HECW2: variants seen among roughly 807,000 people sequenced by gnomAD.
The protein encoded by HECW2 is E3 ubiquitin-protein ligase HECW2.
In HECW2, 61 loss-of-function variants were observed where a neutral mutation model predicts 175.2. That is an observed-to-expected ratio of 0.35 (90% confidence interval 0.28 to 0.43). The LOEUF (loss-of-function observed/expected upper bound fraction) is 0.43, where lower values mean the gene tolerates loss of function less well. Among genes scored for constraint, HECW2 ranks in the 20% least tolerant of loss-of-function variants. The pLI is 1.00. For synonymous variants in HECW2, 671 were observed against 731.0 expected (o/e 0.92, Z 1.32); for missense variants, 1,524 against 2,000.5 (o/e 0.76, Z 4.54).
intron 2 of HECW2, among the ~76,000 whole-genome samples, chr2:196,406,661 G>A (rs568063203): frequency 2.3e-4 from 35 of 152,282 alleles, no homozygotes; most frequent in African/African-American, 8.4e-4. Context: ...TGAACCCACT[G>A]TGTCCCATTT....
At chr2:196,360,869 C>CAA (rs1000065162) in intron 2 of HECW2, among the ~76,000 whole-genome samples, 1 of 152,186 alleles carries the variant, frequency 6.6e-6, no homozygotes, top group Non-Finnish European at 1.5e-5. Flanking sequence ...AAATCTTCAA[C>CAA]ATACTTTTCA....
At chr2:196,459,558 G>A (rs562311950) in intron 1 of HECW2, among the ~76,000 whole-genome samples, 2 of 152,038 alleles carry the variant, frequency 1.3e-5, no homozygotes, top group South Asian at 2.1e-4. Flanking sequence ...GAGGTCAGAC[G>A]TGCCTCATGA....
At chr2:196,577,885 C>A (rs1207733097) in intron 1 of HECW2, among the ~76,000 whole-genome samples, 4 of 152,098 alleles carry the variant, frequency 2.6e-5, no homozygotes, top group African/African-American at 9.7e-5. Flanking sequence ...CAACAACGAG[C>A]AACAATACCA....
chr2:196,347,894 C>T (rs1049782844), intron 2 of HECW2, among the ~76,000 whole-genome samples: 8 of 152,208 alleles, frequency 5.3e-5, no homozygotes, highest in East Asian at 3.8e-4. Flanking sequence ...CAAATACTTC[C>T]GCCACTGAGT....
chr2:196,520,463 C>G (rs954827874), intron 1 of HECW2, among the ~76,000 whole-genome samples: 2 of 152,150 alleles, frequency 1.3e-5, no homozygotes, highest in African/African-American at 4.8e-5. Context: ...TAATGTGCAC[C>G]TTAAGAGCAC....
chr2:196,581,947 T>TC (rs1337248564), intron 1 of HECW2, among the ~76,000 whole-genome samples: 6 of 151,880 alleles, frequency 4.0e-5, no homozygotes, highest in African/African-American at 1.5e-4. Context: ...GAGCCTGTAG[T>TC]CCCAGCTACT....
intron 3 of HECW2, among the ~76,000 whole-genome samples, chr2:196,341,515 T>G (rs1400462562): frequency 6.6e-6 from 1 of 152,216 alleles, no homozygotes; most frequent in East Asian, 1.9e-4. Flanking sequence ...TACATAGACA[T>G]AAGTCGGAAA....
intron 2 of HECW2, among the ~76,000 whole-genome samples, chr2:196,403,494 G>A (rs547084514): frequency 6.6e-6 from 1 of 152,240 alleles, no homozygotes; most frequent in Non-Finnish European, 1.5e-5. Flanking sequence ...AATTTTTAAT[G>A]TACTTTTAAA....
At chr2:196,300,911 T>G (rs1354031404) in intron 13 of HECW2, among the ~76,000 whole-genome samples, 1 of 152,122 alleles carries the variant, frequency 6.6e-6, no homozygotes, top group Non-Finnish European at 1.5e-5. Context: ...GTGTGCAGGT[T>G]GTGCAGGTTT....
rs1688035826 is a variant in HECW2 at position 196,513,574 on chromosome 2, A to G, written c.-36+79934T>C. On this transcript the variant is annotated intron_variant, in intron 1 of 28. Coordinates refer to ENST00000644978, the MANE Select transcript of HECW2 (RefSeq NM_001348768.2). Reference sequence around the variant, plus strand: ...AGCATAATGCTCAACCCCTATTCTCAAAGGGCTTACATTCTTGTTGGTGAG... The same window carrying G: ...AGCATAATGCTCAACCCCTATTCTCGAAGGGCTTACATTCTTGTTGGTGAG... Among the ~76,000 whole-genome samples the G allele has an allele frequency of 2.0e-5, 3 of 152,196 alleles. No individual in the cohort carries two copies. The South Asian group carries it at 6.2e-4, about 32-fold the overall frequency.
chr2:196,409,214 A>G (rs1695044441), intron 2 of HECW2, among the ~76,000 whole-genome samples: 1 of 152,214 alleles, frequency 6.6e-6, no homozygotes, highest in South Asian at 2.1e-4. Flanking sequence ...ATGCAACACC[A>G]ACAGAGAACA....
intron 2 of HECW2, among the ~76,000 whole-genome samples, chr2:196,420,193 C>T (rs1207189254): frequency 6.6e-6 from 1 of 152,190 alleles, no homozygotes; most frequent in East Asian, 1.9e-4. Context: ...AGTTACAATA[C>T]TCTGGTTTCT....
chr2:196,290,674 A>G (rs1055807960), intron 14 of HECW2: 7 of 152,212 alleles, frequency 4.6e-5, no homozygotes, highest in African/African-American at 1.4e-4. Flanking sequence ...AGTATTTTTC[A>G]AAGTCCTTAC....
At chr2:196,402,200 CAAAAAAAA>C (rs55851966) in intron 2 of HECW2, among the ~76,000 whole-genome samples, 20 of 70,384 alleles carry the variant, frequency 2.8e-4, no homozygotes, top group Admixed American at 1.3e-3. Context: ...GACTCTGTCT[CAAAAAAAA>C]AAAAAAAAAA....
chr2:196,456,885 G>C (rs763456404), intron 1 of HECW2, among the ~76,000 whole-genome samples: 5 of 152,142 alleles, frequency 3.3e-5, no homozygotes, highest in Non-Finnish European at 7.4e-5. Flanking sequence ...GCAACCTCGG[G>C]TTTTCTTCAT....
intron 1 of HECW2, among the ~76,000 whole-genome samples, chr2:196,498,283 T>C (rs974748076): frequency 1.3e-5 from 2 of 152,248 alleles, no homozygotes; most frequent in African/African-American, 2.4e-5. Context: ...ATTTCCAGCA[T>C]GTCATTTTAA....
intron 1 of HECW2, among the ~76,000 whole-genome samples, chr2:196,554,897 G>C (rs964903146): frequency 7.2e-5 from 11 of 152,068 alleles, no homozygotes; most frequent in African/African-American, 2.2e-4. Flanking sequence ...AAAAAGACCT[G>C]AACAAGAGAC....
chr2:196,313,231 G>T (rs557339656), intron 10 of HECW2, among the ~76,000 whole-genome samples: 2 of 152,256 alleles, frequency 1.3e-5, no homozygotes, highest in East Asian at 3.9e-4. Flanking sequence ...TTTCAGAGGG[G>T]CTGGGCTGGC....
At chr2:196,401,997 G>A (rs1010049528) in intron 2 of HECW2, among the ~76,000 whole-genome samples, 20 of 151,864 alleles carry the variant, frequency 1.3e-4, no homozygotes, top group Admixed American at 1.1e-3. Context: ...TCAGGAGATC[G>A]AGACCATCCT....
Sources: gnomAD v4.1 joint callset for allele counts (sites outside exome capture counted in the v4.1 genomes callset) on GRCh38, gnomAD v4.1.1 for gene constraint, MANE v1.5 for transcripts, NCBI Gene and HGNC (gene_info 2026-07-23, HGNC 2026-07-21) for gene names.